SORCS2: variants seen among roughly 807,000 people sequenced by gnomAD.
SORCS2 encodes the protein VPS10 domain-containing receptor SorCS2.
A neutral mutation model predicts 141.6 loss-of-function variants in SORCS2; 100 were observed. That is an observed-to-expected ratio of 0.71 (90% CI 0.60 to 0.83). SORCS2 has a LOEUF of 0.83. Among genes scored for constraint, SORCS2 ranks in the 40% least tolerant of loss-of-function variants. SORCS2 has a pLI of 0.00. For synonymous variants in SORCS2, 789 were observed against 676.9 expected (o/e 1.17, Z -2.57); for missense variants, 1,646 against 1,560.2 (o/e 1.05, Z -0.93).
At chr4:7,679,892 G>C (rs1352041854) in intron 9 of SORCS2, among the ~76,000 whole-genome samples, 1 of 152,122 alleles carries the variant, frequency 6.6e-6, no homozygotes, top group Admixed American at 6.6e-5. Flanking sequence ...ATCTGGATCC[G>C]TGTTATTTAT....
chr4:7,669,055 A>T (rs1722656027), intron 8 of SORCS2, among the ~76,000 whole-genome samples: 1 of 152,188 alleles, frequency 6.6e-6, no homozygotes, highest in Non-Finnish European at 1.5e-5. Flanking sequence ...GGACCTGCAG[A>T]TGCAATGTCA....
chr4:7,664,599 C>T lies in SORCS2; in HGVS notation c.1071+128C>T, dbSNP rs560045639. 323 of 662,566 alleles carry T rather than the reference C, an allele frequency of 4.9e-4. 2 individuals are homozygous for T. In the African/African-American group the frequency reaches 5.2e-3, roughly 11 times the overall value. The allele number at this position is 662,566 out of a possible 1,614,324, so 41.0% of individuals were successfully genotyped here. On this transcript the variant is annotated intron_variant, in intron 7 of 26. Transcript: ENST00000507866. This position sits in a 1 kb window ranked among gnomAD's most constrained non-coding sequence, Gnocchi z 4.7. ...GGTATTTCACTCTCAAATGCTACTT[C>T]GCAGGTCACGGTTTCTGACCGTGGC...
Position 7,699,174 on chromosome 4 carries a change from G to C in SORCS2, c.1668+1900G>C, listed in dbSNP as rs183528403. On this transcript the variant is annotated intron_variant, in intron 12 of 26. Transcript: ENST00000507866. The stretch of plus-strand genomic sequence containing the variant: ...GTGGGGGAGGCAGGAAAAGGGTGAA[G>C]TGGGGACAGGCTCTCTGCTCTCCCC... Among the ~76,000 whole-genome samples the C allele has an allele frequency of 1.4e-3, 210 of 152,310 alleles. 1 individual carries two copies. Among genetic ancestry groups the C allele is most frequent in the Non-Finnish European group, 5.4e-4 (37 of 68,016 alleles).
Position 7,724,297 on chromosome 4 carries a change from GGTGACAATGGTGGTGGT to G in SORCS2, c.2611+416_2611+432del, listed in dbSNP as rs1726866808. Among the ~76,000 whole-genome samples the G allele has an allele frequency of 1.7e-4, 21 of 122,010 alleles. 1 individual carries two copies. The highest frequency in any genetic ancestry group is 5.9e-4 in the African/African-American group (19 of 32,176). The allele number at this position is 122,010 out of a possible 152,430, so 80.0% of individuals were successfully genotyped here. A position where few individuals can be genotyped will look rare whatever the true frequency, so the allele number is the denominator to read the frequency against. On this transcript the variant is annotated intron_variant, in intron 19 of 26. Transcript: ENST00000507866. ...TGGTGGTGGTGGTGGTGGTGATAAT[GGTGACAATGGTGGTGGT>G]GGTGGTGGTGATAGGGTGATGGTGA...
At chr4:7,429,657 C>T (rs920613706) in intron 2 of SORCS2, among the ~76,000 whole-genome samples, 1 of 152,178 alleles carries the variant, frequency 6.6e-6, no homozygotes, top group Non-Finnish European at 1.5e-5. Context: ...CTCCATCCTG[C>T]GGAGGACCCG....
At chr4:7,563,806 A>G (rs1704933485) in intron 3 of SORCS2, among the ~76,000 whole-genome samples, 1 of 152,216 alleles carries the variant, frequency 6.6e-6, no homozygotes. Flanking sequence ...TCTAGAATTC[A>G]AAGTGGTCTA....
At chr4:7,676,399 G>C (rs182960924) in intron 9 of SORCS2, among the ~76,000 whole-genome samples, 170 bp downstream of exon 9, 1 of 152,302 alleles carries the variant, frequency 6.6e-6, no homozygotes, top group East Asian at 1.9e-4. Flanking sequence ...AGGCCAAGAG[G>C]CTATTATGTA....
chr4:7,215,983 C>T (rs1357220235), intron 1 of SORCS2, among the ~76,000 whole-genome samples: 1 of 151,328 alleles, frequency 6.6e-6, no homozygotes, highest in East Asian at 1.9e-4. Flanking sequence ...GGGTCCCCTT[C>T]CACACTGTGG....
chr4:7,622,344 C>T (rs190156481), intron 3 of SORCS2, among the ~76,000 whole-genome samples: 1 of 152,194 alleles, frequency 6.6e-6, no homozygotes, highest in Non-Finnish European at 1.5e-5. Context: ...GGCTCTGAAG[C>T]CTTTTATTCT....
At chr4:7,309,241 C>T (rs1318419615) in intron 1 of SORCS2, among the ~76,000 whole-genome samples, 1 of 152,170 alleles carries the variant, frequency 6.6e-6, no homozygotes, top group African/African-American at 2.4e-5. Context: ...AAGTGATTGG[C>T]CCTCGGTCGC....
At chr4:7,496,080 G>T (rs778427584) in intron 2 of SORCS2, among the ~76,000 whole-genome samples, 2 of 152,180 alleles carry the variant, frequency 1.3e-5, no homozygotes, top group South Asian at 2.1e-4. Flanking sequence ...GAGAATGGAC[G>T]GGGGTGGGGA....
At chr4:7,550,903 C>T (rs1378772274) in intron 3 of SORCS2, among the ~76,000 whole-genome samples, 1 of 152,206 alleles carries the variant, frequency 6.6e-6, no homozygotes, top group African/African-American at 2.4e-5. Flanking sequence ...TTGGCCTTTT[C>T]TTCCCTCCCA....
chr4:7,403,992 TA>T (rs1375711754), intron 2 of SORCS2, among the ~76,000 whole-genome samples: 9 of 6,886 alleles, frequency 1.3e-3, no homozygotes, highest in Non-Finnish European at 2.7e-3. Flanking sequence ...TATATATATA[TA>T]TATATTTTTT....
At chr4:7,582,229 G>A (rs1294193546) in intron 3 of SORCS2, among the ~76,000 whole-genome samples, 1 of 152,226 alleles carries the variant, frequency 6.6e-6, no homozygotes. Flanking sequence ...GAGAGGTTAA[G>A]TTGCCCGAGG....
rs150941495 is a variant in SORCS2, at chr4:7,274,972, G to A, written c.480+81846G>A. 4.4e-4 allele frequency among the ~76,000 whole-genome samples: 67 copies of A among 152,308 alleles called. No homozygotes were observed. In the East Asian group the frequency reaches 0.012, roughly 28 times the overall value. Reference sequence around the variant, plus strand: ...ACGCGCTCTGTGGGGTTGTCCGTGTGTTTAACAAGATGATGGGTGTATCAG... The same window carrying A: ...ACGCGCTCTGTGGGGTTGTCCGTGTATTTAACAAGATGATGGGTGTATCAG... On this transcript the variant is annotated intron_variant, in intron 1 of 26. Transcript: ENST00000507866.
At chr4:7,678,740 T>C (rs979873400) in intron 9 of SORCS2, among the ~76,000 whole-genome samples, 1 of 139,656 alleles carries the variant, frequency 7.2e-6, no homozygotes, top group South Asian at 2.3e-4. Flanking sequence ...CCAAGGGATG[T>C]CCCTTCTCTG....
chr4:7,343,571 AAGCTCAGCCACTGAG>A (rs1720489562), intron 1 of SORCS2, among the ~76,000 whole-genome samples: 1 of 152,122 alleles, frequency 6.6e-6, no homozygotes, highest in African/African-American at 2.4e-5. Flanking sequence ...TGCAGGCGGG[AAGCTCAGCCACTGAG>A]AGCTCAGGCT....
intron 11 of SORCS2, among the ~76,000 whole-genome samples, chr4:7,695,940 G>GTGGA (rs779120222): frequency 0.27 from 23,348 of 87,950 alleles, 5,259 homozygotes; most frequent in Non-Finnish European, 0.38. Flanking sequence ...GGGTGGGTGG[G>GTGGA]TGGATGGATG....
At position 7,623,638 on chromosome 4, in the gene SORCS2, G is replaced by A. The variant is rs188219251; in HGVS notation, c.649-14690G>A. 1.5e-3 allele frequency among the ~76,000 whole-genome samples: 235 copies of A among 152,052 alleles called. 4 individuals carry two copies. The highest frequency in any genetic ancestry group is 5.2e-3 in the African/African-American group (217 of 41,452). Reference sequence around the variant, plus strand: ...GGCTGTCTCCTCCTCCCCATCCCACGGCGTCCTCGTTCCCTTCCTGCTGGA... The same window carrying A: ...GGCTGTCTCCTCCTCCCCATCCCACAGCGTCCTCGTTCCCTTCCTGCTGGA... On this transcript the variant is annotated intron_variant, in intron 3 of 26. Transcript: ENST00000507866.
Sources: gnomAD v4.1 joint callset for allele counts (sites outside exome capture counted in the v4.1 genomes callset) on GRCh38, gnomAD v4.1.1 for gene constraint, Gnocchi (gnomAD v3.1) non-coding constraint, MANE v1.5 for transcripts, NCBI Gene and HGNC (gene_info 2026-07-23, HGNC 2026-07-21) for gene names.